STIL: variants seen among roughly 807,000 people sequenced by gnomAD.
STIL encodes the protein SCL-interrupting locus protein.
Under a neutral mutation model 110.1 loss-of-function variants are expected in STIL, and 55 were observed. The ratio of observed to expected loss-of-function variants is 0.50; its 90% CI spans 0.40 to 0.63. The LOEUF (loss-of-function observed/expected upper bound fraction) is 0.63. STIL is among the 20% of genes least tolerant of loss of function. STIL has a pLI of 0.00. For missense variants in STIL, 1,358 were observed against 1,530.0 expected (o/e 0.89, Z 1.87); for synonymous variants, 481 against 530.0 (o/e 0.91, Z 1.27).
rs965943254 is a variant in STIL at position 47,250,627 on chromosome 1, C to G, written c.*509G>C. On this transcript the variant is annotated 3_prime_UTR_variant, in exon 17 of 17. Transcript: ENST00000371877. ...CTGAGGTCGGGAGTTTGAGACCAGC[C>G]TGACCAACATGGAGAAACCAGTCTC... is the stretch of plus-strand genomic sequence containing the variant. 6.2e-6 allele frequency: 1 copy of G among 160,142 alleles called. No homozygotes were observed. Among genetic ancestry groups the G allele is most frequent in the Non-Finnish European group, 1.4e-5 (1 of 72,968 alleles). 9.9% of individuals were successfully genotyped at this position (160,142 alleles called of 1,614,324 possible). A position where few individuals can be genotyped will look rare whatever the true frequency, so the allele number is the denominator to read the frequency against.
intron 9 of STIL, among the ~76,000 whole-genome samples, chr1:47,288,316 G>C (rs560476073): frequency 6.7e-6 from 1 of 149,260 alleles, no homozygotes; most frequent in East Asian, 2.0e-4. Context: ...TTTTTTTTGA[G>C]ACAGAGTTTC....
chr1:47,280,338 G>C lies in STIL; in HGVS notation c.2120C>G (p.Pro707Arg). The C allele has an allele frequency of 6.2e-7, 1 of 1,614,176 alleles. No individual in the cohort carries two copies. ...PQPCTVCMHT[P>R]KTESDNGMMG... ...CATTCCATTATCTGACTCAGTCTTGGGTGTGTGCATGCACACTGTGCAAGG... is the reference window on the plus strand; with the variant it reads ...CATTCCATTATCTGACTCAGTCTTGCGTGTGTGCATGCACACTGTGCAAGG... The change falls in exon 12 of 17, where the codon CCC becomes CGC. Residue 707 changes from proline to arginine, a missense_variant. Physicochemically the swap from Pro to Arg is moderately radical, Grantham distance 103. Transcript: ENST00000371877.
intron 12 of STIL, among the ~76,000 whole-genome samples, chr1:47,274,028 G>T (rs1377020935): frequency 6.6e-6 from 1 of 152,120 alleles, no homozygotes; most frequent in African/African-American, 2.4e-5. Flanking sequence ...TGTTAAAAGA[G>T]ATAAATAAAA....
At chr1:47,303,256 C>T (rs114427345) in intron 3 of STIL, among the ~76,000 whole-genome samples, 3,237 of 152,114 alleles carry the variant, frequency 0.021, 133 homozygotes, top group African/African-American at 0.074. Context: ...TATGGTACAC[C>T]GCCACGTTTT....
chr1:47,312,287 G>A (rs973659088), intron 1 of STIL, among the ~76,000 whole-genome samples: 3 of 151,942 alleles, frequency 2.0e-5, no homozygotes, highest in Non-Finnish European at 4.4e-5. Flanking sequence ...TCAGGAGATC[G>A]AGACCATCCT....
At chr1:47,271,438 G>A (rs1644831347) in intron 13 of STIL, among the ~76,000 whole-genome samples, 2 of 151,712 alleles carry the variant, frequency 1.3e-5, no homozygotes, top group African/African-American at 4.8e-5. Flanking sequence ...CAGGTGTGGT[G>A]GCAGGCGCTT....
intron 12 of STIL, among the ~76,000 whole-genome samples, chr1:47,279,205 C>T (rs534039186): frequency 4.6e-5 from 7 of 150,952 alleles, no homozygotes; most frequent in Admixed American, 1.3e-4. Context: ...ATGGCGTGAA[C>T]CCGGGAGGCG....
intron 12 of STIL, among the ~76,000 whole-genome samples, chr1:47,279,112 A>G (rs1242382522): frequency 1.3e-5 from 2 of 152,114 alleles, no homozygotes; most frequent in Non-Finnish European, 2.9e-5. Context: ...CCTGGCTAAC[A>G]TAGTGAAACT....
chr1:47,279,000 A>C (rs906943428), intron 12 of STIL, among the ~76,000 whole-genome samples: 1 of 152,050 alleles, frequency 6.6e-6, no homozygotes, highest in Non-Finnish European at 1.5e-5. Context: ...AAGATTTTTT[A>C]AAAAATCATA....
chr1:47,310,275 C>A lies in STIL; in HGVS notation c.44+1G>T. The A allele has an allele frequency of 1.2e-6, 2 of 1,612,304 alleles. No homozygotes were observed. The highest frequency in any genetic ancestry group is 1.7e-6 in the Non-Finnish European group (2 of 1,179,008). Reference sequence around the variant, plus strand: ...AAATATTTGTAAATATACTTCTATACCTGGTATTCATCTGGGGCCGTGCAA... The same window carrying A: ...AAATATTTGTAAATATACTTCTATAACTGGTATTCATCTGGGGCCGTGCAA... On this transcript the variant is annotated splice_donor_variant, in intron 2 of 16. Coordinates refer to ENST00000371877, the MANE Select transcript of STIL (RefSeq NM_001048166.1). LOFTEE classifies it high-confidence loss of function.
chr1:47,280,476 C>T lies in STIL; in HGVS notation c.1982G>A (p.Ser661Asn), dbSNP rs1645125452. ...TCCCTGAGGTCTCAAGGCTATAGGACTACTTGAAGAACAGAATGCATTACA... is the reference window on the plus strand; with the variant it reads ...TCCCTGAGGTCTCAAGGCTATAGGATTACTTGAAGAACAGAATGCATTACA... ...LYCNAFCSSS[S>N]PIALRPQGDM... The change falls in exon 12 of 17, where the codon AGT (serine) becomes AAT (asparagine). Residue 661 changes from serine to asparagine, a missense_variant. Ser to Asn is a conservative substitution (Grantham distance 46). Transcript: ENST00000371877. 2 of 1,614,212 alleles carry T rather than the reference C, an allele frequency of 1.2e-6. No individual in the cohort carries two copies. The highest frequency in any genetic ancestry group is 2.2e-5 in the East Asian group (1 of 44,884).
intron 2 of STIL, among the ~76,000 whole-genome samples, chr1:47,307,268 A>G (rs1424817252): frequency 1.3e-5 from 2 of 152,144 alleles, no homozygotes; most frequent in South Asian, 2.1e-4. Flanking sequence ...GTGAGCTGAG[A>G]CCGCACCACT....
At position 47,251,078 on chromosome 1, in the gene STIL, C is replaced by T. The variant is rs1644168687; in HGVS notation, c.*58G>A. The T allele has an allele frequency of 6.5e-7, 1 of 1,535,948 alleles. No homozygotes were observed. Among genetic ancestry groups the T allele is most frequent in the African/African-American group, 1.4e-5 (1 of 71,850 alleles). On this transcript the variant is annotated 3_prime_UTR_variant, in exon 17 of 17. Coordinates refer to ENST00000371877, the MANE Select transcript of STIL (RefSeq NM_001048166.1). ...AGCCTTGTGGTAGGCTCCTGTTTTCCCTAAGTATCTTCAGGAGACACCCTG... is the reference window on the plus strand; with the variant it reads ...AGCCTTGTGGTAGGCTCCTGTTTTCTCTAAGTATCTTCAGGAGACACCCTG...
At chr1:47,265,259 A>AAAAAC (rs1422353607) in intron 14 of STIL, among the ~76,000 whole-genome samples, 4 of 150,534 alleles carry the variant, frequency 2.7e-5, no homozygotes, top group Non-Finnish European at 5.9e-5. Context: ...AAAAAAAAAA[A>AAAAAC]ACACAAGATT....
At position 47,251,513 on chromosome 1, in the gene STIL, G is replaced by A; in HGVS notation, c.3490C>T (p.Gln1164Ter). The A allele has an allele frequency of 5.0e-6, 8 of 1,614,180 alleles. No homozygotes were observed. The highest frequency in any genetic ancestry group is 6.8e-6 in the Non-Finnish European group (8 of 1,180,042). ...LNQNLRSIPE[Q>*]LGGQKEPSKN... ...GAAGGCTCTTTCTGACCACCAAGCT[G>A]TTCAGGTATGGACCTAAGGTTCTGA... The change falls in exon 17 of 17, where the codon CAG becomes TAG. Residue 1164 changes from glutamine to a stop codon, truncating the protein, a stop_gained. Transcript: ENST00000371877. LOFTEE classifies it low-confidence loss of function (END_TRUNC).
Position 47,310,352 on chromosome 1 carries a change from T to A in STIL, c.-33A>T. 6.3e-7 allele frequency: 1 copy of A among 1,587,718 alleles called. No individual in the cohort carries two copies. On this transcript the variant is annotated 5_prime_UTR_variant, in exon 2 of 17. Transcript: ENST00000371877. ...GGTGAATGATTTCTTTAATTCCAAA[T>A]CCTCAGTATCCTAAAGAATTAAAGA... is the stretch of plus-strand genomic sequence containing the variant.
intron 8 of STIL, among the ~76,000 whole-genome samples, chr1:47,291,953 C>T (rs1645502825): frequency 1.3e-5 from 2 of 151,794 alleles, no homozygotes; most frequent in African/African-American, 4.8e-5. Context: ...AACTCCTGGG[C>T]TCAAGCGATC....
Position 47,295,678 on chromosome 1 carries a change from ATATT to A in STIL, c.785+83_785+86del, listed in dbSNP as rs1645621742. On this transcript the variant is annotated intron_variant, in intron 7 of 16. Transcript: ENST00000371877. The stretch of plus-strand genomic sequence containing the variant: ...TTTGTGGCTTTATAAAATGATCTAA[ATATT>A]TATAGTACAACTGAGTCACATGCTT... The A allele has an allele frequency of 7.6e-6, 7 of 920,880 alleles. No homozygotes were observed. In the East Asian group the frequency reaches 1.8e-4, roughly 23 times the overall value. The allele number at this position is 920,880 out of a possible 1,614,324, so 57.0% of individuals were successfully genotyped here.
intron 12 of STIL, among the ~76,000 whole-genome samples, chr1:47,278,569 T>C (rs897116570): frequency 1.3e-5 from 2 of 152,130 alleles, no homozygotes; most frequent in African/African-American, 4.8e-5. Flanking sequence ...TAGTCTTCTT[T>C]AGAACAAGAC....
Sources: allele counts gnomAD v4.1 joint callset (sites outside exome capture counted in the v4.1 genomes callset), GRCh38; gene constraint gnomAD v4.1.1; transcripts MANE v1.5; gene names NCBI Gene and HGNC (gene_info 2026-07-23, HGNC 2026-07-21).